The following ADAMTS6 variants were observed in gnomAD, a reference collection of about 807,000 sequenced individuals.
ADAMTS6 encodes the protein A disintegrin and metalloproteinase with thrombospondin motifs 6.
A neutral mutation model predicts 144.3 loss-of-function variants in ADAMTS6; 23 were observed. The observed-to-expected ratio is 0.16, with a 90% CI of 0.11 to 0.23. The LOEUF (loss-of-function observed/expected upper bound fraction) is 0.23. ADAMTS6 is among the 10% of genes least tolerant of loss of function. The pLI is 1.00. For synonymous variants in ADAMTS6, 444 were observed against 457.5 expected, an observed-to-expected ratio of 0.97 and a Z score of 0.38; for missense variants, 999 against 1,379.6, an observed-to-expected ratio of 0.72 and a Z score of 4.37.
chr5:65,263,074 A>G (rs915205315), intron 12 of ADAMTS6, 112 bp from the exon 13 acceptor site: 10 of 1,315,560 alleles, frequency 7.6e-6, no homozygotes, highest in Non-Finnish European at 9.5e-6. Context: ...CATTCTCCCA[A>G]TTGATAACAG....
In ADAMTS6 at chr5:65,222,603, TC is replaced by T. The variant is rs1301194635; in HGVS notation, c.2272+1716del. On this transcript the variant is annotated intron_variant, in intron 18 of 24. Transcript: ENST00000381055. Reference sequence around the variant, plus strand: ...ATTCAAGTAAATAAATAATTGTTCTTCCCCAAATAGATTTGCCTGGTTGTCT... The same window carrying T: ...ATTCAAGTAAATAAATAATTGTTCTTCCCAAATAGATTTGCCTGGTTGTCT... Among the ~76,000 whole-genome samples, 16 of 152,218 alleles carry T rather than the reference TC, an allele frequency of 1.1e-4. No homozygotes were observed. In the East Asian group the frequency reaches 2.5e-3, roughly 24 times the overall value.
At chr5:65,467,527 C>T (rs1206119395) in intron 3 of ADAMTS6, among the ~76,000 whole-genome samples, 1 of 152,054 alleles carries the variant, frequency 6.6e-6, no homozygotes, top group Non-Finnish European at 1.5e-5. Context: ...TGAATCAATG[C>T]TAACTTTTAA....
chr5:65,420,253 A>T (rs1160761805), intron 7 of ADAMTS6, among the ~76,000 whole-genome samples: 7 of 152,194 alleles, frequency 4.6e-5, no homozygotes, highest in Admixed American at 4.6e-4. Flanking sequence ...CTCTCCCTTG[A>T]CACATGGGGA....
intron 7 of ADAMTS6, among the ~76,000 whole-genome samples, chr5:65,434,326 G>A (rs1482163405): frequency 6.6e-6 from 1 of 152,036 alleles, no homozygotes; most frequent in Admixed American, 6.6e-5. Context: ...TGTGGTGATG[G>A]TTGCGCAAGT....
chr5:65,343,425 C>G (rs557112485), intron 7 of ADAMTS6, among the ~76,000 whole-genome samples: 1 of 152,086 alleles, frequency 6.6e-6, no homozygotes, highest in Admixed American at 6.6e-5. Flanking sequence ...ACAAAGGTGC[C>G]AAGAACACTC....
intron 7 of ADAMTS6, among the ~76,000 whole-genome samples, chr5:65,407,026 G>T (rs1451661096): frequency 2.0e-5 from 3 of 152,132 alleles, no homozygotes; most frequent in Non-Finnish European, 2.9e-5. Context: ...ACCTGAAAGT[G>T]ACAGGGAGAA....
chr5:65,354,391 T>C (rs1289725307), intron 7 of ADAMTS6, among the ~76,000 whole-genome samples: 1 of 151,704 alleles, frequency 6.6e-6, no homozygotes, highest in Non-Finnish European at 1.5e-5. Context: ...CTCCTTATGA[T>C]TTCTACAAAT....
intron 10 of ADAMTS6, among the ~76,000 whole-genome samples, chr5:65,291,672 G>A (rs1287768049): frequency 3.3e-5 from 5 of 152,060 alleles, no homozygotes; most frequent in African/African-American, 9.7e-5. Context: ...TTAGCACCAA[G>A]ACACAATAAA....
chr5:65,170,651 G>C lies in ADAMTS6; in HGVS notation c.3210C>G (p.Ser1070Arg). Reference sequence around the variant, plus strand: ...TAGAAATGGGGGTACTGTCACATTTGCTTTCACACTGCTGCATTGATGGAG... The same window carrying C: ...TAGAAATGGGGGTACTGTCACATTTCCTTTCACACTGCTGCATTGATGGAG... ...VRPPSMQQCE[S>R]KCDSTPISNT... The change falls in exon 24 of 25, where the codon AGC (serine) becomes AGG (arginine). Residue 1070 changes from serine to arginine, a missense_variant. Coordinates refer to ENST00000381055, the MANE Select transcript of ADAMTS6 (RefSeq NM_197941.4). 1 of 1,614,092 alleles carries C rather than the reference G, an allele frequency of 6.2e-7. No individual in the cohort carries two copies.
chr5:65,452,399 A>G (rs1346001897), intron 5 of ADAMTS6, among the ~76,000 whole-genome samples, 183 bp from the exon 6 acceptor site: 1 of 152,012 alleles, frequency 6.6e-6, no homozygotes, highest in East Asian at 1.9e-4. Flanking sequence ...CTACCTCAAT[A>G]AATATTTCCT....
At chr5:65,424,437 G>A (rs2150204715) in intron 7 of ADAMTS6, among the ~76,000 whole-genome samples, 1 of 152,246 alleles carries the variant, frequency 6.6e-6, no homozygotes, top group African/African-American at 2.4e-5. Flanking sequence ...TTATTGTATT[G>A]TCAATGGACA....
intron 7 of ADAMTS6, among the ~76,000 whole-genome samples, chr5:65,395,895 G>A (rs764035672): frequency 6.6e-6 from 1 of 152,182 alleles, no homozygotes; most frequent in Non-Finnish European, 1.5e-5. Flanking sequence ...CGGTGTAACA[G>A]GCACAGTAAC....
At chr5:65,438,415 C>G (rs1010339835) in intron 7 of ADAMTS6, among the ~76,000 whole-genome samples, 3 of 152,098 alleles carry the variant, frequency 2.0e-5, no homozygotes, top group Non-Finnish European at 2.9e-5. Flanking sequence ...GTAATCCCAG[C>G]TACTTGGGAG....
At chr5:65,327,225 T>C (rs1270987974) in intron 9 of ADAMTS6, among the ~76,000 whole-genome samples, 1 of 152,130 alleles carries the variant, frequency 6.6e-6, no homozygotes, top group Non-Finnish European at 1.5e-5. Context: ...AGTCCCTCAC[T>C]AGAAGCAGAT....
At chr5:65,386,092 C>G (rs1433356069) in intron 7 of ADAMTS6, among the ~76,000 whole-genome samples, 1 of 152,112 alleles carries the variant, frequency 6.6e-6, no homozygotes, top group Non-Finnish European at 1.5e-5. Context: ...ATAATTCTAC[C>G]AGAATTATGA....
At chr5:65,447,064 T>C (rs765333699) in intron 7 of ADAMTS6, among the ~76,000 whole-genome samples, 9 of 152,196 alleles carry the variant, frequency 5.9e-5, no homozygotes, top group Non-Finnish European at 1.2e-4. Context: ...TGGAAAAACC[T>C]GATTCCAATA....
At chr5:65,344,544 G>A (rs914061533) in intron 7 of ADAMTS6, among the ~76,000 whole-genome samples, 1 of 151,784 alleles carries the variant, frequency 6.6e-6, no homozygotes, top group African/African-American at 2.4e-5. Flanking sequence ...AAGTGTAATT[G>A]AAGAATTCTC....
chr5:65,396,163 C>CA (rs1366918484), intron 7 of ADAMTS6, among the ~76,000 whole-genome samples: 1 of 152,044 alleles, frequency 6.6e-6, no homozygotes, highest in African/African-American at 2.4e-5. Flanking sequence ...TTAATTATCT[C>CA]AAAAAAAGCA....
chr5:65,452,935 C>T lies in ADAMTS6; in HGVS notation c.632-17G>A, dbSNP rs1272624961. ...TTGTGAAATCTACAATAAAAGCAGC[C>T]AATTCAGATAGGTTCACTAATTAAA... is the stretch of plus-strand genomic sequence containing the variant. On this transcript the variant is annotated splice_polypyrimidine_tract_variant and intron_variant, in intron 4 of 24. Transcript: ENST00000381055. The T allele has an allele frequency of 4.4e-6, 7 of 1,596,356 alleles. No individual in the cohort carries two copies. The Admixed American group carries it at 1.2e-4, about 27-fold the overall frequency.
Sources: allele counts gnomAD v4.1 joint callset (sites outside exome capture counted in the v4.1 genomes callset), GRCh38; gene constraint gnomAD v4.1.1; transcripts MANE v1.5; gene names NCBI Gene and HGNC (gene_info 2026-07-23, HGNC 2026-07-21).